MZT2B: variants seen among roughly 807,000 people sequenced by gnomAD.
MZT2B encodes mitotic-spindle organizing protein 2B.
Under a neutral mutation model 12.1 loss-of-function variants are expected in MZT2B, and 11 were observed. The ratio of observed to expected loss-of-function variants is 0.91; its 90% CI spans 0.57 to 1.50. The LOEUF (loss-of-function observed/expected upper bound fraction) is 1.50. Ranked by LOEUF, MZT2B falls within the 40% of genes most tolerant of loss-of-function variation. The pLI, the probability that MZT2B is intolerant of heterozygous loss-of-function variation, is 0.00. For missense variants in MZT2B, 209 were observed against 227.7 expected, an observed-to-expected ratio of 0.92 and a Z score of 0.53; for synonymous variants, 85 against 109.5, an observed-to-expected ratio of 0.78 and a Z score of 1.40.
rs537232177 is a variant in MZT2B, at chr2:130,188,559, GCTC to G, written c.320-1904_320-1902del. ...TCACCCACCACGTGTTCCTGACTGC[GCTC>G]CTCCTTGGCTCAGGGCAACCCTGAC... On this transcript the variant is annotated intron_variant, in intron 2 of 2. Transcript: ENST00000281871. Among the ~76,000 whole-genome samples, 579 of 152,272 alleles carry G rather than the reference GCTC, an allele frequency of 3.8e-3. 1 individual carries two copies. Among genetic ancestry groups the G allele is most frequent in the African/African-American group, 0.013 (543 of 41,560 alleles).
At chr2:130,203,473 C>T in the MZT2B span, among the ~76,000 whole-genome samples, 1 of 151,934 alleles carries the variant, frequency 6.6e-6, no homozygotes, top group African/African-American at 2.4e-5. Flanking sequence ...AGATCAGCTG[C>T]AGGGAGGTCA....
At position 130,183,134 on chromosome 2, in the gene MZT2B, G is replaced by T. The variant is rs1463133618; in HGVS notation, c.319+359G>T. 4 of 405,668 alleles carry T rather than the reference G, an allele frequency of 9.9e-6. No homozygotes were observed. In the East Asian group the frequency reaches 2.0e-4, roughly 21 times the overall value. The allele number at this position is 405,668 out of a possible 1,614,324, so 25.1% of individuals were successfully genotyped here. On this transcript the variant is annotated intron_variant, in intron 2 of 2. Coordinates refer to ENST00000281871, the MANE Select transcript of MZT2B (RefSeq NM_025029.5). ...CCTATAATCTTTGGGACCCCAGGGC[G>T]GGAGGATCGTTTGAGGCCATGAGTT...
At chr2:130,182,974 C>G in intron 2 of MZT2B, 199 bp downstream of exon 2, 1 of 857,258 alleles carries the variant, frequency 1.2e-6, no homozygotes, top group Non-Finnish European at 1.7e-6. Context: ...GTCAGGTGGA[C>G]GCAGAGTGCG....
At chr2:130,193,879 C>A (rs1573770130), downstream of MZT2B, 1 of 1,614,198 alleles carries the variant, frequency 6.2e-7, no homozygotes, top group Non-Finnish European at 8.5e-7. Flanking sequence ...GGACCACGTC[C>A]CCCCTGTACA....
chr2:130,192,092 G>A (rs778488883), downstream of MZT2B: 32 of 1,605,850 alleles, frequency 2.0e-5, no homozygotes, highest in East Asian at 8.9e-5. Context: ...GGTCTCCCCC[G>A]GGGACCACTG....
chr2:130,184,857 A>G, intron 2 of MZT2B: 1 of 985,352 alleles, frequency 1.0e-6, no homozygotes, highest in Non-Finnish European at 1.2e-6. Context: ...GAGCCCAGTG[A>G]GAGGCAGTGA....
At chr2:130,203,911 T>G in the MZT2B span, among the ~76,000 whole-genome samples, 1 of 123,442 alleles carries the variant, frequency 8.1e-6, no homozygotes, top group East Asian at 2.4e-4. Context: ...TGTAAGTTAC[T>G]CCATGCAGTT....
At chr2:130,193,903 C>T, downstream of MZT2B, 1 of 1,614,242 alleles carries the variant, frequency 6.2e-7, no homozygotes, top group Non-Finnish European at 8.5e-7. Context: ...TGCAGCAGGC[C>T]ATGTACTTGC....
downstream of MZT2B, chr2:130,195,265 C>A (rs539147648): frequency 1.2e-6 from 2 of 1,603,768 alleles, no homozygotes; most frequent in East Asian, 4.5e-5. Context: ...ATTTTTAAGG[C>A]CTGTACTCAC....
At position 130,190,592 on chromosome 2, in the gene MZT2B, G is replaced by A; in HGVS notation, c.443G>A (p.Gly148Glu). ...GCTACCAGGCTGCCCAAGGGGGGCG[G>A]GCCTGGGAAGAGCCCTACACGGGGC... ...PSATRLPKGGGPGKSPTRGST is the reference protein window; with the variant it reads ...PSATRLPKGGEPGKSPTRGST The change falls in exon 3 of 3, where the codon GGG becomes GAG. Residue 148 changes from glycine to glutamate, a missense_variant. Coordinates refer to ENST00000281871, the MANE Select transcript of MZT2B (RefSeq NM_025029.5). The A allele has an allele frequency of 3.1e-6, 5 of 1,612,992 alleles. No individual in the cohort carries two copies. Among genetic ancestry groups the A allele is most frequent in the Non-Finnish European group, 3.4e-6 (4 of 1,179,424 alleles).
downstream of MZT2B, among the ~76,000 whole-genome samples, chr2:130,190,951 GT>G (rs200058709): frequency 6.6e-6 from 1 of 151,938 alleles, no homozygotes; most frequent in East Asian, 1.9e-4. Context: ...AATGTGGGAG[GT>G]TTTTTTGGTT....
upstream of MZT2B, chr2:130,182,201 T>C (rs1009218858): frequency 6.4e-5 from 80 of 1,248,596 alleles, no homozygotes; most frequent in Admixed American, 2.0e-4. Flanking sequence ...AGGCCAGACG[T>C]TGACGCTGCA....
the MZT2B span, among the ~76,000 whole-genome samples, chr2:130,200,930 G>A: frequency 6.6e-5 from 10 of 152,188 alleles, no homozygotes; most frequent in Non-Finnish European, 1.3e-4. Flanking sequence ...TGTGTATTCA[G>A]TTCTGGGGAA....
rs149353070 is a variant in MZT2B, at chr2:130,190,490, C to T, written c.341C>T (p.Ala114Val). 1,046 of 1,613,664 alleles carry T rather than the reference C, an allele frequency of 6.5e-4. 15 individuals are homozygous for T. In the East Asian group the frequency reaches 0.021, roughly 33 times the overall value. ...TCAGGGAGAAACAAAGGCAGCGCTGCCCTCGGGGGAGCATTGGCCCTGGCG... is the reference window on the plus strand; with the variant it reads ...TCAGGGAGAAACAAAGGCAGCGCTGTCCTCGGGGGAGCATTGGCCCTGGCG... The part of the protein sequence containing the change: ...ETRGRNKGSA[A>V]LGGALALAER... The change falls in exon 3 of 3, where the codon GCC (alanine) becomes GTC (valine). Residue 114 changes from alanine to valine, a missense_variant. By Grantham distance (64) the Ala-to-Val change is moderately conservative (BLOSUM62 0). Coordinates refer to ENST00000281871, the MANE Select transcript of MZT2B (RefSeq NM_025029.5).
downstream of MZT2B, among the ~76,000 whole-genome samples, chr2:130,195,426 G>A (rs1422522089): frequency 5.3e-5 from 8 of 152,200 alleles, no homozygotes; most frequent in South Asian, 4.1e-4. Context: ...ATGACTCTAC[G>A]ACGTTAAACT....
chr2:130,182,987 C>A (rs180905320), intron 2 of MZT2B: 2 of 868,998 alleles, frequency 2.3e-6, no homozygotes, highest in Non-Finnish European at 3.4e-6. Context: ...AGAGTGCGTA[C>A]CCCAGGGTGG....
intron 2 of MZT2B, chr2:130,184,375 C>G: frequency 3.0e-6 from 3 of 985,468 alleles, no homozygotes; most frequent in Non-Finnish European, 3.6e-6. Context: ...AACAGAGACT[C>G]CCACCTTCCC....
intron 2 of MZT2B, chr2:130,183,972 G>C: frequency 1.3e-6 from 2 of 1,550,490 alleles, no homozygotes; most frequent in Non-Finnish European, 1.7e-6. Flanking sequence ...TGCAGGTTGC[G>C]TTTATTGGCT....
chr2:130,182,899 C>G (rs1382009990), intron 2 of MZT2B, 124 bp downstream of exon 2: 28 of 1,384,112 alleles, frequency 2.0e-5, no homozygotes, highest in Non-Finnish European at 2.5e-5. Flanking sequence ...AGGCCCAGCA[C>G]CTGCAGGGCC....
Sources: gnomAD v4.1 joint callset for allele counts (sites outside exome capture counted in the v4.1 genomes callset) on GRCh38, gnomAD v4.1.1 for gene constraint, MANE v1.5 for transcripts, NCBI Gene and HGNC (gene_info 2026-07-23, HGNC 2026-07-21) for gene names.